The following MAP3K1 variants were observed in gnomAD, a reference collection of about 807,000 sequenced individuals.
MAP3K1 encodes the protein mitogen-activated protein kinase kinase kinase 1, also known as MAP/ERK kinase kinase 1.
MAP3K1 carries 36 observed loss-of-function variants against 144.2 expected under a neutral mutation model. The observed-to-expected ratio is 0.25, with a 90% CI of 0.19 to 0.33. The LOEUF (loss-of-function observed/expected upper bound fraction) is 0.33. Ranked by LOEUF, MAP3K1 falls within the 10% of genes least tolerant of loss-of-function variation. MAP3K1 has a pLI of 1.00. For missense variants in MAP3K1, 1,650 were observed against 1,881.9 expected, an observed-to-expected ratio of 0.88 and a Z score of 2.28; for synonymous variants, 718 against 688.7, an observed-to-expected ratio of 1.04 and a Z score of -0.67.
At chr5:56,817,141 G>C in intron 1 of MAP3K1, 1 of 982,220 alleles carries the variant, frequency 1.0e-6, no homozygotes, top group Non-Finnish European at 1.2e-6. Context: ...CGGTTTATTG[G>C]CCTCGCCCAT....
chr5:56,853,907 C>CTT (rs1747253907), intron 1 of MAP3K1, among the ~76,000 whole-genome samples: 4 of 152,000 alleles, frequency 2.6e-5, no homozygotes, highest in African/African-American at 9.7e-5. Flanking sequence ...CGGGGGGAAC[C>CTT]ACTAGAGCAT....
intron 1 of MAP3K1, among the ~76,000 whole-genome samples, chr5:56,830,672 C>G (rs1183663975): frequency 6.6e-6 from 1 of 152,076 alleles, no homozygotes; most frequent in Non-Finnish European, 1.5e-5. Flanking sequence ...TAATCAGATG[C>G]TGTCCTTCTG....
chr5:56,893,735 A>G lies in MAP3K1; in HGVS notation c.*55A>G. 6.3e-7 allele frequency: 1 copy of G among 1,590,308 alleles called. No individual in the cohort carries two copies. The stretch of plus-strand genomic sequence containing the variant: ...CAGGATGCTCAACAAGAGAAAAAAA[A>G]CTTGTGGGGAACCACATTGATATTC... On this transcript the variant is annotated 3_prime_UTR_variant, in exon 20 of 20. Coordinates refer to ENST00000399503, the MANE Select transcript of MAP3K1 (RefSeq NM_005921.2).
intron 6 of MAP3K1, among the ~76,000 whole-genome samples, chr5:56,871,641 T>C (rs2111910440): frequency 6.6e-6 from 1 of 152,310 alleles, no homozygotes; most frequent in South Asian, 2.1e-4. Context: ...GGGATACAAA[T>C]GTTTCTTTCT....
chr5:56,818,679 GA>G (rs1456623309), intron 1 of MAP3K1, among the ~76,000 whole-genome samples: 1 of 152,010 alleles, frequency 6.6e-6, no homozygotes, highest in Non-Finnish European at 1.5e-5. Context: ...TGTCTTTGAA[GA>G]AAAATTACAG....
At chr5:56,865,125 G>T (rs1350330650) in intron 4 of MAP3K1, among the ~76,000 whole-genome samples, 191 bp downstream of exon 4, 1 of 151,912 alleles carries the variant, frequency 6.6e-6, no homozygotes, top group Non-Finnish European at 1.5e-5. Context: ...ATATACCATA[G>T]AATAGAAATT....
intron 17 of MAP3K1, 74 bp from the exon 18 acceptor site, chr5:56,887,304 G>C (rs1748406818): frequency 7.2e-7 from 1 of 1,381,824 alleles, no homozygotes; most frequent in Admixed American, 1.7e-5. Flanking sequence ...TAGTTCATTA[G>C]TATTGTACTG....
intron 1 of MAP3K1, among the ~76,000 whole-genome samples, chr5:56,854,228 G>GT: frequency 6.6e-6 from 1 of 152,142 alleles, no homozygotes; most frequent in South Asian, 2.1e-4. Context: ...GAGGTCAGGA[G>GT]TTCGAGACCA....
chr5:56,877,193 T>C (rs762016551), intron 10 of MAP3K1, among the ~76,000 whole-genome samples: 17 of 152,348 alleles, frequency 1.1e-4, no homozygotes, highest in Non-Finnish European at 2.2e-4. Context: ...ATATTTTGCC[T>C]CTTACTTAGT....
intron 1 of MAP3K1, among the ~76,000 whole-genome samples, chr5:56,829,253 C>T (rs572759519): frequency 2.0e-5 from 3 of 151,546 alleles, no homozygotes; most frequent in Admixed American, 6.6e-5. Flanking sequence ...ATGATCATGA[C>T]TCACTGCAGC....
rs536908393 is a variant in MAP3K1, at chr5:56,866,986, CTT to C, written c.1301+1011_1301+1012del. On this transcript the variant is annotated intron_variant, in intron 6 of 19. Transcript: ENST00000399503. ...AAAGGTATAGCCAGAACCTGGGTAT[CTT>C]TGTTTTACCCCTCATCTCTTCTAAA... Among the ~76,000 whole-genome samples, 26 of 152,218 alleles carry C rather than the reference CTT, an allele frequency of 1.7e-4. No individual in the cohort carries two copies. The East Asian group carries it at 2.7e-3, about 16-fold the overall frequency.
intron 1 of MAP3K1, among the ~76,000 whole-genome samples, chr5:56,824,353 A>T (rs1286201046): frequency 6.6e-6 from 1 of 152,220 alleles, no homozygotes; most frequent in Non-Finnish European, 1.5e-5. Flanking sequence ...TTTGCTCAGG[A>T]TTGATACTTA....
In MAP3K1 at chr5:56,888,051, G is replaced by A. The variant is rs576160407; in HGVS notation, c.4258-175G>A. On this transcript the variant is annotated intron_variant, in intron 18 of 19. Transcript: ENST00000399503. ...TCTCACAATTCTCCAAAATATTTTT[G>A]TGCTACCTGGAAAATTAAGCTCATT... The A allele has an allele frequency of 1.9e-5, 12 of 629,840 alleles. No individual in the cohort carries two copies. The African/African-American group carries it at 2.0e-4, about 11-fold the overall frequency. 39.0% of individuals were successfully genotyped at this position (629,840 alleles called of 1,614,324 possible).
chr5:56,870,849 G>C (rs929339648), intron 6 of MAP3K1, among the ~76,000 whole-genome samples: 2 of 152,024 alleles, frequency 1.3e-5, no homozygotes, highest in Non-Finnish European at 2.9e-5. Flanking sequence ...TAACATCCTA[G>C]AAAATAGGAT....
intron 1 of MAP3K1, among the ~76,000 whole-genome samples, chr5:56,847,060 T>C (rs1747020708): frequency 1.3e-5 from 2 of 152,234 alleles, no homozygotes; most frequent in South Asian, 4.1e-4. Flanking sequence ...TACTGCCTTA[T>C]TTTCTTTCTG....
chr5:56,837,200 A>G (rs983229952), intron 1 of MAP3K1, among the ~76,000 whole-genome samples: 5 of 151,592 alleles, frequency 3.3e-5, no homozygotes, highest in Admixed American at 1.3e-4. Context: ...TGGCTTTTGC[A>G]TCTCCCCTCC....
In MAP3K1 at chr5:56,820,519, A is replaced by G. The variant is rs1746123130; in HGVS notation, c.482+4464A>G. The G allele has an allele frequency of 4.1e-6, 4 of 985,276 alleles. No homozygotes were observed. In the South Asian group the frequency reaches 1.4e-4, roughly 35 times the overall value. The allele number at this position is 985,276 out of a possible 1,614,324, so 61.0% of individuals were successfully genotyped here. On this transcript the variant is annotated intron_variant, in intron 1 of 19. Transcript: ENST00000399503. ...TAACCTGGCCTTGTATATGTAATAC[A>G]AGTAAACTGTATTTGGATCACCCTA...
At chr5:56,880,134 A>AT (rs1176148083) in intron 11 of MAP3K1, among the ~76,000 whole-genome samples, 1 of 152,196 alleles carries the variant, frequency 6.6e-6, no homozygotes, top group Non-Finnish European at 1.5e-5. Flanking sequence ...CATAGGAAAA[A>AT]TGTCATTTTT....
At chr5:56,858,505 C>T (rs184335419) in intron 2 of MAP3K1, among the ~76,000 whole-genome samples, 4 of 152,242 alleles carry the variant, frequency 2.6e-5, no homozygotes, top group South Asian at 2.1e-4. Flanking sequence ...TTATGATTTA[C>T]GGATTTCGTA....
Sources: allele counts gnomAD v4.1 joint callset (sites outside exome capture counted in the v4.1 genomes callset), GRCh38; gene constraint gnomAD v4.1.1; transcripts MANE v1.5; gene names NCBI Gene and HGNC (gene_info 2026-07-23, HGNC 2026-07-21).